Variants in SI observed in about 807,000 individuals in gnomAD.
SI encodes sucrase-isomaltase, intestinal.
In SI, 235 loss-of-function variants were observed where a neutral mutation model predicts 253.3. The observed-to-expected ratio is 0.93, with a 90% CI of 0.83 to 1.03. The LOEUF (loss-of-function observed/expected upper bound fraction) is 1.03, where lower values mean the gene tolerates loss of function less well. SI is among the 50% of genes least tolerant of loss of function. The pLI is 0.00. For synonymous variants in SI, 819 were observed against 712.0 expected, an observed-to-expected ratio of 1.15 and a Z score of -2.39; for missense variants, 2,442 against 2,211.1, an observed-to-expected ratio of 1.10 and a Z score of -2.09.
chr3:165,061,369 A>G (rs149639672), intron 9 of SI, among the ~76,000 whole-genome samples: 231 of 152,052 alleles, frequency 1.5e-3, no homozygotes, highest in African/African-American at 5.2e-3. Flanking sequence ...CCAGCCTAGA[A>G]CTGTAATTAT....
chr3:165,065,035 T>A (rs9290262), intron 7 of SI, among the ~76,000 whole-genome samples: 90,900 of 151,556 alleles, frequency 0.6, 27,450 homozygotes, highest in East Asian at 0.81. Context: ...TAAAACATTT[T>A]TAAACTGGAA....
chr3:165,064,525 C>T (rs1451693508), intron 7 of SI, among the ~76,000 whole-genome samples: 2 of 152,154 alleles, frequency 1.3e-5, no homozygotes, highest in Admixed American at 1.3e-4. Context: ...AACTGACAAA[C>T]GTTTGACCCA....
At chr3:165,009,093 A>G (rs1718650531) in intron 35 of SI, among the ~76,000 whole-genome samples, 186 bp downstream of exon 35, 1 of 152,134 alleles carries the variant, frequency 6.6e-6, no homozygotes, top group Non-Finnish European at 1.5e-5. Flanking sequence ...TAGCATCCAT[A>G]CACATAAATT....
intron 37 of SI, among the ~76,000 whole-genome samples, chr3:165,005,727 A>G (rs951777640): frequency 1.3e-5 from 2 of 152,160 alleles, no homozygotes; most frequent in African/African-American, 2.4e-5. Flanking sequence ...ATTGGCACCC[A>G]GAATTATAGA....
At chr3:165,038,505 C>T (rs1048715860) in intron 20 of SI, among the ~76,000 whole-genome samples, 3 of 148,908 alleles carry the variant, frequency 2.0e-5, no homozygotes, top group African/African-American at 7.4e-5. Context: ...GTCAGGAGAT[C>T]GAGACTATCC....
the SI span, among the ~76,000 whole-genome samples, chr3:165,085,902 C>G: frequency 6.6e-6 from 1 of 152,080 alleles, no homozygotes; most frequent in African/African-American, 2.4e-5. Context: ...TACAATATGA[C>G]ATCAGACTAA....
intron 13 of SI, among the ~76,000 whole-genome samples, chr3:165,053,080 A>T (rs1713512964): frequency 6.6e-6 from 1 of 151,756 alleles, no homozygotes. Context: ...AAAAATATTG[A>T]CTAACACTTT....
chr3:164,990,477 G>A (rs1397102353), intron 44 of SI, among the ~76,000 whole-genome samples: 1 of 152,126 alleles, frequency 6.6e-6, no homozygotes, highest in African/African-American at 2.4e-5. Context: ...CCTGTTGGAA[G>A]ACAGTTTTCC....
intron 20 of SI, 99 bp downstream of exon 20, chr3:165,038,979 G>A: frequency 1.4e-6 from 1 of 691,978 alleles, no homozygotes; most frequent in Non-Finnish European, 2.5e-6. Flanking sequence ...CTAAAAATAT[G>A]TATGCTATGT....
chr3:165,013,345 A>G (rs1718860028), intron 33 of SI, among the ~76,000 whole-genome samples: 1 of 152,158 alleles, frequency 6.6e-6, no homozygotes, highest in Non-Finnish European at 1.5e-5. Context: ...AATATGAAAA[A>G]TATAAGTTAA....
rs571272413 is a variant in SI, at chr3:164,998,227, G to T, written c.4540+313C>A. ...TTTTTAATAATAGCTATGAAATCTA[G>T]AATTTCTATTCATTTCTCTCTATTA... On this transcript the variant is annotated intron_variant, in intron 38 of 47. Transcript: ENST00000264382. 1.8e-4 allele frequency among the ~76,000 whole-genome samples: 28 copies of T among 151,798 alleles called. No individual in the cohort carries two copies. The South Asian group carries it at 4.6e-3, about 25-fold the overall frequency.
the SI span, among the ~76,000 whole-genome samples, chr3:165,087,302 A>G: frequency 6.6e-6 from 1 of 152,102 alleles, no homozygotes; most frequent in South Asian, 2.1e-4. Context: ...ATGGAGGCCA[A>G]ACTAGAACAG....
chr3:165,076,185 G>T (rs978811253), intron 1 of SI, among the ~76,000 whole-genome samples, 173 bp from the exon 2 acceptor site: 1 of 151,672 alleles, frequency 6.6e-6, no homozygotes, highest in Non-Finnish European at 1.5e-5. Context: ...TATTAAGCAT[G>T]TACTTAATAA....
At chr3:164,985,036 C>CA (rs1221176781) in intron 45 of SI, among the ~76,000 whole-genome samples, 1 of 151,980 alleles carries the variant, frequency 6.6e-6, no homozygotes, top group Non-Finnish European at 1.5e-5. Context: ...ATCCAATTGG[C>CA]AAAAAACAAT....
chr3:165,049,386 A>G (rs897901548), intron 14 of SI, 142 bp from the exon 15 acceptor site: 5 of 629,514 alleles, frequency 7.9e-6, no homozygotes, highest in Non-Finnish European at 1.1e-5. Flanking sequence ...GGACAATCCA[A>G]TTAAACCTAA....
At chr3:165,078,114 TA>T (rs1261825402) in intron 1 of SI, among the ~76,000 whole-genome samples, 2 of 151,530 alleles carry the variant, frequency 1.3e-5, no homozygotes, top group African/African-American at 4.8e-5. Flanking sequence ...ATTATTCATC[TA>T]TTTTTCAAAA....
At chr3:164,992,035 C>T (rs1717756827) in intron 43 of SI, 142 bp downstream of exon 43, 3 of 744,858 alleles carry the variant, frequency 4.0e-6, no homozygotes, top group South Asian at 3.1e-5. Flanking sequence ...TAATTCAATT[C>T]AGCTATAATT....
At chr3:165,063,682 G>A in intron 7 of SI, 141 bp from the exon 8 acceptor site, 1 of 477,320 alleles carries the variant, frequency 2.1e-6, no homozygotes, top group African/African-American at 2.0e-5. Context: ...TTCACTATAT[G>A]TACCAGTGAA....
intron 26 of SI, among the ~76,000 whole-genome samples, chr3:165,022,385 GT>G (rs1278430040): frequency 1.8e-4 from 27 of 151,556 alleles, no homozygotes; most frequent in African/African-American, 6.5e-4. Flanking sequence ...CTTATGTTTA[GT>G]TTTCACATGG....
Sources: gnomAD v4.1 joint callset for allele counts (sites outside exome capture counted in the v4.1 genomes callset) on GRCh38, gnomAD v4.1.1 for gene constraint, MANE v1.5 for transcripts, NCBI Gene and HGNC (gene_info 2026-07-23, HGNC 2026-07-21) for gene names.